Variants in DNM3 observed in about 807,000 individuals in gnomAD.
DNM3 encodes the protein dynamin 3.
In DNM3, 47 loss-of-function variants were observed where a neutral mutation model predicts 101.6. The ratio of observed to expected loss-of-function variants is 0.46; its 90% CI spans 0.37 to 0.59. The LOEUF is 0.59. Among genes scored for constraint, DNM3 ranks in the 20% least tolerant of loss-of-function variants. The probability of loss-of-function intolerance (pLI) is 0.00; values close to 1 mark genes in which losing one functional copy is unlikely to be tolerated. For synonymous variants in DNM3, 385 were observed against 387.9 expected (o/e 0.99, Z 0.09); for missense variants, 849 against 1,085.7 (o/e 0.78, Z 3.06).
At chr1:172,047,965 A>G (rs1027779118) in intron 9 of DNM3, among the ~76,000 whole-genome samples, 1 of 152,058 alleles carries the variant, frequency 6.6e-6, no homozygotes, top group Non-Finnish European at 1.5e-5. Flanking sequence ...ATCATTTTTC[A>G]TTTTTTATGA....
In DNM3 at chr1:171,841,618, G is replaced by T. The variant is rs754091369; in HGVS notation, c.-39G>T. 2.2e-5 allele frequency: 35 copies of T among 1,589,070 alleles called. No individual in the cohort carries two copies. In the East Asian group the frequency reaches 7.3e-4, roughly 33 times the overall value. On this transcript the variant is annotated 5_prime_UTR_variant, in exon 1 of 21. Coordinates refer to ENST00000627582, the MANE Select transcript of DNM3 (RefSeq NM_015569.5). The stretch of plus-strand genomic sequence containing the variant: ...CCCTACTCCCTGTCAGGTCGTAGAG[G>T]CGAGCAGGGACCAGCTGGTCGCCGG...
At chr1:172,129,775 A>T (rs55655939) in intron 13 of DNM3, among the ~76,000 whole-genome samples, 2,985 of 152,244 alleles carry the variant, frequency 0.02, 103 homozygotes, top group African/African-American at 0.067. Context: ...AAAAGTTAAG[A>T]TGAGATTTGG....
intron 2 of DNM3, among the ~76,000 whole-genome samples, chr1:171,930,730 G>A (rs974919226): frequency 2.0e-5 from 3 of 152,132 alleles, no homozygotes; most frequent in African/African-American, 7.2e-5. Context: ...GGGTCAAGTT[G>A]TTTCCTTGAT....
chr1:171,879,128 T>C (rs2036038270), intron 1 of DNM3, among the ~76,000 whole-genome samples: 1 of 152,210 alleles, frequency 6.6e-6, no homozygotes, highest in African/African-American at 2.4e-5. Context: ...ATTTATATTA[T>C]TCTGCTCACA....
chr1:172,010,766 T>C (rs1043404366), intron 4 of DNM3, among the ~76,000 whole-genome samples: 1 of 150,690 alleles, frequency 6.6e-6, no homozygotes, highest in African/African-American at 2.4e-5. Context: ...GTTTGTAGTT[T>C]TCATCAATTA....
intron 15 of DNM3, among the ~76,000 whole-genome samples, chr1:172,266,546 C>A (rs2062865254): frequency 6.6e-6 from 1 of 152,018 alleles, no homozygotes; most frequent in Admixed American, 6.6e-5. Flanking sequence ...CATTTTTATC[C>A]CACTTTTGTC....
At chr1:171,986,349 T>C (rs2045254228) in intron 2 of DNM3, among the ~76,000 whole-genome samples, 2 of 152,176 alleles carry the variant, frequency 1.3e-5, no homozygotes, top group Non-Finnish European at 2.9e-5. Context: ...GCTTTTTGAG[T>C]TAATGCTAAC....
intron 14 of DNM3, among the ~76,000 whole-genome samples, chr1:172,250,202 G>A (rs528628473): frequency 2.0e-5 from 3 of 152,218 alleles, no homozygotes; most frequent in Admixed American, 6.5e-5. Context: ...TTACAAGTTT[G>A]AGAAAATCTT....
At chr1:172,308,928 G>T in intron 16 of DNM3, 89 bp downstream of exon 16, 2 of 653,144 alleles carry the variant, frequency 3.1e-6, no homozygotes, top group Non-Finnish European at 4.8e-6. Context: ...GGAGAAACTA[G>T]TTTTCTTACT....
intron 15 of DNM3, among the ~76,000 whole-genome samples, chr1:172,292,948 A>C (rs2063991731): frequency 6.6e-6 from 1 of 152,208 alleles, no homozygotes. Context: ...TTGGGCTTTC[A>C]GAATAGGAGA....
In DNM3 at chr1:171,973,822, C is replaced by G. The variant is rs539344757; in HGVS notation, c.236-13834C>G. On this transcript the variant is annotated intron_variant, in intron 2 of 20. Coordinates refer to ENST00000627582, the MANE Select transcript of DNM3 (RefSeq NM_015569.5). ...GGGTCTACAGGCATGTGCCATTATG[C>G]CTGGCTAATTTTTTGGATTTTTGGT... is the stretch of plus-strand genomic sequence containing the variant. Among the ~76,000 whole-genome samples the G allele has an allele frequency of 9.2e-4, 140 of 152,106 alleles. 1 individual carries two copies. Among genetic ancestry groups the G allele is most frequent in the African/African-American group, 3.1e-3 (128 of 41,462 alleles).
chr1:171,912,120 TG>T (rs1168804021), intron 1 of DNM3, among the ~76,000 whole-genome samples: 2 of 152,088 alleles, frequency 1.3e-5, no homozygotes, highest in African/African-American at 4.8e-5. Flanking sequence ...CAGGAAGGGG[TG>T]GCTAACAGAA....
At chr1:172,296,481 A>G in intron 15 of DNM3, among the ~76,000 whole-genome samples, 1 of 151,908 alleles carries the variant, frequency 6.6e-6, no homozygotes, top group Admixed American at 6.6e-5. Flanking sequence ...TCTCAAAACA[A>G]CCCTCCTATG....
chr1:172,343,441 A>G (rs969018197), intron 17 of DNM3, among the ~76,000 whole-genome samples: 1 of 152,178 alleles, frequency 6.6e-6, no homozygotes, highest in African/African-American at 2.4e-5. Context: ...GATTTACACC[A>G]TATTCCAGTA....
chr1:172,322,413 C>T (rs1039032517), intron 16 of DNM3, among the ~76,000 whole-genome samples: 2 of 152,174 alleles, frequency 1.3e-5, no homozygotes, highest in Non-Finnish European at 2.9e-5. Flanking sequence ...CAGGATCTGA[C>T]CTTGTGAGGA....
intron 20 of DNM3, among the ~76,000 whole-genome samples, chr1:172,389,579 A>T (rs2069403819): frequency 6.6e-6 from 1 of 152,232 alleles, no homozygotes; most frequent in Non-Finnish European, 1.5e-5. Context: ...TTTAAGGTAT[A>T]AAGTACTAAG....
chr1:172,081,898 G>A lies in DNM3; in HGVS notation c.1489G>A (p.Ala497Thr), dbSNP rs767050830. 55 of 1,612,314 alleles carry A rather than the reference G, an allele frequency of 3.4e-5. No individual in the cohort carries two copies. The highest frequency in any genetic ancestry group is 4.5e-5 in the East Asian group (2 of 44,836). Reference sequence around the variant, plus strand: ...CAACCATGAAGACTTCATTGGCTTCGCAAAGTACGTGAAACACTTGATGGC... The same window carrying A: ...CAACCATGAAGACTTCATTGGCTTCACAAAGTACGTGAAACACTTGATGGC... ...NTNHEDFIGF[A>T]NAQQRSSQVH... is the part of the protein sequence containing the mutation. Residue 497 changes from alanine (A) to threonine (T), a missense_variant, in exon 12 of 21, where the codon GCA becomes ACA. Physicochemically the swap from Ala to Thr is moderately conservative, Grantham distance 58. Coordinates refer to ENST00000627582, the MANE Select transcript of DNM3 (RefSeq NM_015569.5).
At chr1:172,311,154 T>G (rs2065062738) in intron 16 of DNM3, 1 of 152,170 alleles carries the variant, frequency 6.6e-6, no homozygotes, top group Non-Finnish European at 1.5e-5. Flanking sequence ...ATTATAATTA[T>G]TATGATTCTT....
At chr1:171,981,647 T>A (rs1173624125) in intron 2 of DNM3, among the ~76,000 whole-genome samples, 2 of 152,250 alleles carry the variant, frequency 1.3e-5, no homozygotes, top group African/African-American at 4.8e-5. Context: ...AATAGAATTA[T>A]AGCTCTGATT....
Sources: allele counts gnomAD v4.1 joint callset (sites outside exome capture counted in the v4.1 genomes callset), GRCh38; gene constraint gnomAD v4.1.1; transcripts MANE v1.5; gene names NCBI Gene and HGNC (gene_info 2026-07-23, HGNC 2026-07-21).